The following FMN2 variants were observed in gnomAD, a reference collection of about 807,000 sequenced individuals.
The protein encoded by FMN2 is formin-2.
Under a neutral mutation model 142.3 loss-of-function variants are expected in FMN2, and 51 were observed. The observed-to-expected ratio is 0.36, with a 90% CI of 0.29 to 0.45. The LOEUF (loss-of-function observed/expected upper bound fraction) is 0.45. FMN2 is among the 20% of genes least tolerant of loss of function. The pLI is 1.00. For synonymous variants in FMN2, 882 were observed against 869.8 expected (o/e 1.01, Z -0.25); for missense variants, 1,936 against 2,122.8 (o/e 0.91, Z 1.73).
At chr1:240,446,638 A>G (rs1243144476) in intron 16 of FMN2, among the ~76,000 whole-genome samples, 1 of 152,204 alleles carries the variant, frequency 6.6e-6, no homozygotes, top group Non-Finnish European at 1.5e-5. Context: ...GCAATTTTTA[A>G]TTTCTTTAGG....
At chr1:240,154,598 CA>C (rs1053425605) in intron 2 of FMN2, 7 of 152,128 alleles carry the variant, frequency 4.6e-5, no homozygotes, top group African/African-American at 1.7e-4. Context: ...TCCGCAATCC[CA>C]ATTCCATCTC....
chr1:240,411,730 T>A (rs1674400612), intron 15 of FMN2, among the ~76,000 whole-genome samples: 1 of 152,070 alleles, frequency 6.6e-6, no homozygotes, highest in Non-Finnish European at 1.5e-5. Flanking sequence ...TTTACTCTGC[T>A]GGAAAGTTTT....
chr1:240,324,456 C>A (rs1001346962), intron 8 of FMN2, among the ~76,000 whole-genome samples: 1 of 152,122 alleles, frequency 6.6e-6, no homozygotes, highest in Non-Finnish European at 1.5e-5. Flanking sequence ...CTATCGAGAC[C>A]AGCCTGGCTA....
chr1:240,358,509 T>C (rs1672351280), intron 14 of FMN2, among the ~76,000 whole-genome samples: 1 of 152,174 alleles, frequency 6.6e-6, no homozygotes, highest in Non-Finnish European at 1.5e-5. Flanking sequence ...CTGGGTAATT[T>C]ATAAAGAAAA....
chr1:240,151,281 C>T (rs147776255), intron 2 of FMN2, among the ~76,000 whole-genome samples: 1 of 152,138 alleles, frequency 6.6e-6, no homozygotes, highest in Non-Finnish European at 1.5e-5. Context: ...ATTCTAAGCA[C>T]CAACAAGTCA....
chr1:240,391,355 C>T (rs1277434377), intron 14 of FMN2, among the ~76,000 whole-genome samples: 4 of 152,064 alleles, frequency 2.6e-5, no homozygotes, highest in African/African-American at 7.2e-5. Flanking sequence ...TAGCCTAAGC[C>T]GTACTATTGT....
intron 2 of FMN2, among the ~76,000 whole-genome samples, chr1:240,150,630 A>G (rs1401741943): frequency 6.6e-6 from 1 of 152,210 alleles, no homozygotes; most frequent in Non-Finnish European, 1.5e-5. Context: ...CCTCACCAGT[A>G]AAAGTCAAAC....
At chr1:240,336,564 A>C (rs1385218614) in intron 13 of FMN2, among the ~76,000 whole-genome samples, 1 of 108,734 alleles carries the variant, frequency 9.2e-6, no homozygotes, top group Non-Finnish European at 2.0e-5. Context: ...AAAAAAAAAA[A>C]AAAAAAAAAA....
intron 2 of FMN2, among the ~76,000 whole-genome samples, chr1:240,126,186 G>A (rs1365001994): frequency 6.6e-6 from 1 of 152,148 alleles, no homozygotes; most frequent in African/African-American, 2.4e-5. Flanking sequence ...TGTCAATGAG[G>A]GATGAGGAAG....
rs1661758467 is a variant in FMN2 at position 240,110,150 on chromosome 1, A to G, written c.1616-13029A>G. 2.6e-5 allele frequency among the ~76,000 whole-genome samples: 4 copies of G among 152,214 alleles called. No homozygotes were observed. In the South Asian group the frequency reaches 8.3e-4, roughly 32 times the overall value. ...GTCTGTTTCTTTTATATCCGAATGC[A>G]GAAAGTTGGTCAGAAGCTTTTCCCA... On this transcript the variant is annotated intron_variant, in intron 1 of 17. Coordinates refer to ENST00000319653, the MANE Select transcript of FMN2 (RefSeq NM_020066.5).
chr1:240,238,531 A>G (rs1489782666), intron 6 of FMN2, among the ~76,000 whole-genome samples: 1 of 152,162 alleles, frequency 6.6e-6, no homozygotes, highest in Non-Finnish European at 1.5e-5. Context: ...TGCGTGACTT[A>G]TTTAATCTTG....
At chr1:240,248,667 AT>A (rs1213832764) in intron 6 of FMN2, among the ~76,000 whole-genome samples, 8 of 151,724 alleles carry the variant, frequency 5.3e-5, no homozygotes, top group Admixed American at 5.3e-4. Flanking sequence ...TTTTTGAAAT[AT>A]TTCCATATTG....
At chr1:240,186,522 G>T (rs1288759161) in intron 3 of FMN2, among the ~76,000 whole-genome samples, 1 of 152,234 alleles carries the variant, frequency 6.6e-6, no homozygotes, top group East Asian at 1.9e-4. Flanking sequence ...GAAAGTAAGG[G>T]TGAGTGTGTG....
chr1:240,140,409 G>A (rs1663131090), intron 2 of FMN2, among the ~76,000 whole-genome samples: 1 of 152,072 alleles, frequency 6.6e-6, no homozygotes, highest in South Asian at 2.1e-4. Context: ...TTGCTTTGAA[G>A]TTCCATTACC....
At chr1:240,443,598 C>T (rs1214428252) in intron 16 of FMN2, among the ~76,000 whole-genome samples, 1 of 151,958 alleles carries the variant, frequency 6.6e-6, no homozygotes, top group Admixed American at 6.6e-5. Flanking sequence ...ACTAAAAATA[C>T]AAAAATTAGC....
Position 240,106,745 on chromosome 1 carries a change from C to G in FMN2, c.1615+13021C>G, listed in dbSNP as rs556840497. Among the ~76,000 whole-genome samples, 413 of 150,948 alleles carry G rather than the reference C, an allele frequency of 2.7e-3. 1 individual carries two copies. The South Asian group carries it at 0.032, about 12-fold the overall frequency. On this transcript the variant is annotated intron_variant, in intron 1 of 17. Coordinates refer to ENST00000319653, the MANE Select transcript of FMN2 (RefSeq NM_020066.5). ...TTGTTGCTAGGCTGGAGTGCAATGG[C>G]GCGATCTTGCTCACTGCAACCTCCG...
At chr1:240,235,670 C>T (rs1667686846) in intron 6 of FMN2, 1 of 152,150 alleles carries the variant, frequency 6.6e-6, no homozygotes, top group African/African-American at 2.4e-5. Flanking sequence ...ATCCACCCAC[C>T]TCGGCCTCCC....
chr1:240,253,649 T>C (rs111585746), intron 6 of FMN2, among the ~76,000 whole-genome samples: 1,735 of 152,320 alleles, frequency 0.011, 25 homozygotes, highest in African/African-American at 0.031. Flanking sequence ...CATTTGGAGG[T>C]GTAATATCTC....
Position 240,208,552 on chromosome 1 carries a change from C to G in FMN2, c.3740C>G (p.Pro1247Arg), listed in dbSNP as rs1225139978. Residue 1247 changes from proline to arginine, a missense_variant, in exon 5 of 18, where the codon CCA (proline) becomes CGA (arginine). By Grantham distance (103) the Pro-to-Arg change is moderately radical. Around this residue, in one of 8 missense-constraint regions of FMN2, gnomAD observed 259 missense variants for 230.9 expected, o/e 1.12. Transcript: ENST00000319653. ...CCTGTATCAGGCCCTCCACTCCTCC[C>G]ACAAGTTGGGAGTAGCACTTTACCA... The part of the protein sequence containing the change: ...LLPVSGPPLL[P>R]QVGSSTLPTP... 6.2e-7 allele frequency: 1 copy of G among 1,613,448 alleles called. No individual in the cohort carries two copies. The highest frequency in any genetic ancestry group is 8.5e-7 in the Non-Finnish European group (1 of 1,179,956).
Sources: gnomAD v4.1 joint callset for allele counts (sites outside exome capture counted in the v4.1 genomes callset) on GRCh38, gnomAD v4.1.1 for gene constraint, gnomAD v4.1.1 regional missense constraint, MANE v1.5 for transcripts, NCBI Gene and HGNC (gene_info 2026-07-23, HGNC 2026-07-21) for gene names.